The following MFAP5 variants were observed in gnomAD, a reference collection of about 807,000 sequenced individuals.
MFAP5 encodes microfibrillar-associated protein 5.
A neutral mutation model predicts 30.1 loss-of-function variants in MFAP5; 19 were observed. The ratio of observed to expected loss-of-function variants is 0.63; its 90% CI spans 0.44 to 0.93. MFAP5 has a LOEUF of 0.93. Ranked by LOEUF, MFAP5 falls within the 40% of genes least tolerant of loss-of-function variation. The probability of loss-of-function intolerance (pLI) is 0.00; values close to 1 mark genes in which losing one functional copy is unlikely to be tolerated. For missense variants in MFAP5, 210 were observed against 221.3 expected, an observed-to-expected ratio of 0.95 and a Z score of 0.32; for synonymous variants, 92 against 72.9, an observed-to-expected ratio of 1.26 and a Z score of -1.33.
intron 3 of MFAP5, among the ~76,000 whole-genome samples, chr12:8,656,573 A>AACAT (rs1248213357): frequency 7.8e-6 from 1 of 128,538 alleles, no homozygotes; most frequent in African/African-American, 3.3e-5. Flanking sequence ...ATGCCTGGCT[A>AACAT]ATATATATAT....
At chr12:8,656,666 A>ATTTTTTTTTT (rs1465516929) in intron 3 of MFAP5, among the ~76,000 whole-genome samples, 1 of 121,334 alleles carries the variant, frequency 8.2e-6, no homozygotes, top group African/African-American at 3.5e-5. Flanking sequence ...ATATATATAT[A>ATTTTTTTTTT]TATTTTTTTT....
intron 3 of MFAP5, among the ~76,000 whole-genome samples, chr12:8,660,554 G>A (rs375869843): frequency 6.6e-6 from 1 of 152,054 alleles, no homozygotes. Context: ...AGCATTTTCT[G>A]AGTAAGATAG....
At chr12:8,657,521 C>T (rs1482843031) in intron 3 of MFAP5, among the ~76,000 whole-genome samples, 2 of 151,542 alleles carry the variant, frequency 1.3e-5, no homozygotes. Flanking sequence ...ATTCATAATC[C>T]ATTCTACCCA....
At position 8,647,965 on chromosome 12, in the gene MFAP5, G is replaced by T; in HGVS notation, c.*126C>A. ...GAAAAAGTAGAGAGTAGGGGTAAAA[G>T]CTGGACATTGCAAAAGGATTGGTTT... On this transcript the variant is annotated 3_prime_UTR_variant, in exon 10 of 10. Transcript: ENST00000359478. 1 of 629,190 alleles carries T rather than the reference G, an allele frequency of 1.6e-6. No individual in the cohort carries two copies. Among genetic ancestry groups the T allele is most frequent in the Non-Finnish European group, 2.7e-6 (1 of 365,148 alleles). 39.0% of individuals were successfully genotyped at this position (629,190 alleles called of 1,614,324 possible).
At chr12:8,650,425 T>G (rs1357107142) in intron 8 of MFAP5, 77 bp downstream of exon 8, 1 of 1,436,360 alleles carries the variant, frequency 7.0e-7, no homozygotes. Flanking sequence ...AATTCCATAG[T>G]GGGTGCTCAT....
Position 8,647,954 on chromosome 12 carries a change from T to A in MFAP5, c.*137A>T. 1 of 568,518 alleles carries A rather than the reference T, an allele frequency of 1.8e-6. No individual in the cohort carries two copies. Among genetic ancestry groups the A allele is most frequent in the Non-Finnish European group, 3.1e-6 (1 of 320,046 alleles). The allele number at this position is 568,518 out of a possible 1,614,324, so 35.2% of individuals were successfully genotyped here. A position where few individuals can be genotyped will look rare whatever the true frequency, so the allele number is the denominator to read the frequency against. On this transcript the variant is annotated 3_prime_UTR_variant, in exon 10 of 10. Coordinates refer to ENST00000359478, the MANE Select transcript of MFAP5 (RefSeq NM_003480.4). ...TCAGTTTGGGTGAAAAAGTAGAGAG[T>A]AGGGGTAAAAGCTGGACATTGCAAA...
At chr12:8,658,823 C>G (rs140756881) in intron 3 of MFAP5, among the ~76,000 whole-genome samples, 2 of 151,688 alleles carry the variant, frequency 1.3e-5, no homozygotes, top group Non-Finnish European at 2.9e-5. Context: ...AAAAAATTAA[C>G]GTATTTTCTT....
intron 8 of MFAP5, 142 bp from the exon 9 acceptor site, chr12:8,649,716 G>A: frequency 1.5e-6 from 1 of 647,920 alleles, no homozygotes; most frequent in Non-Finnish European, 2.7e-6. Flanking sequence ...ATTTTCTTAA[G>A]TATTTCAGAC....
At chr12:8,653,192 C>CA (rs71451973) in intron 6 of MFAP5, among the ~76,000 whole-genome samples, 437 of 110,918 alleles carry the variant, frequency 3.9e-3, no homozygotes, top group South Asian at 0.012. Context: ...GACTCTGTGT[C>CA]AAAAAAAAAA....
intron 3 of MFAP5, among the ~76,000 whole-genome samples, chr12:8,656,666 ATATT>A (rs1434125111): frequency 3.3e-5 from 4 of 121,334 alleles, no homozygotes; most frequent in African/African-American, 1.1e-4. Context: ...ATATATATAT[ATATT>A]TTTTTTTTTT....
At chr12:8,656,109 G>A (rs2136472317) in intron 3 of MFAP5, among the ~76,000 whole-genome samples, 1 of 147,986 alleles carries the variant, frequency 6.8e-6, no homozygotes, top group East Asian at 2.0e-4. Flanking sequence ...CGCCCAGGCT[G>A]GAGTGCAGGG....
chr12:8,654,122 G>A (rs1164034557), intron 6 of MFAP5: 11 of 199,932 alleles, frequency 5.5e-5, no homozygotes, highest in East Asian at 1.7e-4. Context: ...GCAATAATCC[G>A]TCTCAAAAAA....
In MFAP5 at chr12:8,655,558, G is replaced by A. The variant is rs1300592033; in HGVS notation, c.140-111C>T. ...GGAGGCAAGAAAGGCTGAAGTGAAA[G>A]CCTGTGGACTCGGGCAGATGAGGGA... On this transcript the variant is annotated intron_variant, in intron 4 of 9. Coordinates refer to ENST00000359478, the MANE Select transcript of MFAP5 (RefSeq NM_003480.4). The A allele has an allele frequency of 1.3e-5, 15 of 1,186,266 alleles. No homozygotes were observed. In the East Asian group the frequency reaches 3.4e-4, roughly 27 times the overall value. 73.5% of individuals were successfully genotyped at this position (1,186,266 alleles called of 1,614,324 possible). A position where few individuals can be genotyped will look rare whatever the true frequency, so the allele number is the denominator to read the frequency against.
At position 8,650,255 on chromosome 12, in the gene MFAP5, CA is replaced by C. The variant is rs754482042; in HGVS notation, c.335+246del. On this transcript the variant is annotated intron_variant, in intron 8 of 9. Coordinates refer to ENST00000359478, the MANE Select transcript of MFAP5 (RefSeq NM_003480.4). Reference sequence around the variant, plus strand: ...AAATTGAGCATGCCAGTATTTCCCTCATGACCCTTCTTCCTCCAGCGCCCAC... The same window carrying C: ...AAATTGAGCATGCCAGTATTTCCCTCTGACCCTTCTTCCTCCAGCGCCCAC... 374 of 488,008 alleles carry C rather than the reference CA, an allele frequency of 7.7e-4. 2 individuals carry two copies. Among genetic ancestry groups the C allele is most frequent in the Admixed American group, 4.2e-3 (130 of 30,876 alleles). The allele number at this position is 488,008 out of a possible 1,614,324, so 30.2% of individuals were successfully genotyped here.
intron 9 of MFAP5, 129 bp downstream of exon 9, chr12:8,649,372 G>A: frequency 1.4e-6 from 1 of 719,956 alleles, no homozygotes; most frequent in Non-Finnish European, 2.4e-6. Flanking sequence ...TCCAGCAGGA[G>A]CTGATGGACT....
intron 3 of MFAP5, among the ~76,000 whole-genome samples, chr12:8,656,649 C>T (rs868101072): frequency 8.2e-4 from 89 of 109,040 alleles, no homozygotes; most frequent in Admixed American, 2.2e-3. Context: ...CACACACACA[C>T]ATATATATAT....
intron 2 of MFAP5, 49 bp from the exon 3 acceptor site, chr12:8,660,947 C>T (rs767148092): frequency 1.4e-6 from 2 of 1,477,282 alleles, no homozygotes; most frequent in Admixed American, 1.9e-5. Context: ...AGCTCTATAC[C>T]TCGTAACCCT....
chr12:8,656,917 C>T (rs1477608586), intron 3 of MFAP5, among the ~76,000 whole-genome samples: 1 of 152,062 alleles, frequency 6.6e-6, no homozygotes, highest in Admixed American at 6.6e-5. Flanking sequence ...ATCTGCCCGC[C>T]TAGGCCTCCC....
At chr12:8,654,330 C>G in intron 6 of MFAP5, 107 bp downstream of exon 6, 5 of 1,111,196 alleles carry the variant, frequency 4.5e-6, no homozygotes, top group Non-Finnish European at 6.5e-6. Context: ...CATAAACTGT[C>G]ATCCTGTCTT....
Sources: allele counts gnomAD v4.1 joint callset (sites outside exome capture counted in the v4.1 genomes callset), GRCh38; gene constraint gnomAD v4.1.1; transcripts MANE v1.5; gene names NCBI Gene and HGNC (gene_info 2026-07-23, HGNC 2026-07-21).